Variants in PLXDC2 observed in about 807,000 individuals in gnomAD.
PLXDC2 encodes plexin domain-containing protein 2.
PLXDC2 carries 40 observed loss-of-function variants against 68.9 expected under a neutral mutation model. That is an observed-to-expected ratio of 0.58 (90% CI 0.45 to 0.76). PLXDC2 has a LOEUF of 0.76. PLXDC2 is among the 30% of genes least tolerant of loss of function. The pLI is 0.00. For synonymous variants in PLXDC2, 243 were observed against 234.2 expected, an observed-to-expected ratio of 1.04 and a Z score of -0.34; for missense variants, 644 against 661.9, an observed-to-expected ratio of 0.97 and a Z score of 0.30.
At chr10:20,127,879 C>T (rs530170876) in intron 4 of PLXDC2, among the ~76,000 whole-genome samples, 1 of 152,188 alleles carries the variant, frequency 6.6e-6, no homozygotes, top group African/African-American at 2.4e-5. Flanking sequence ...AGGTTGGGGG[C>T]ATTATGGTTG....
intron 9 of PLXDC2, among the ~76,000 whole-genome samples, chr10:20,210,548 A>G (rs1240182717): frequency 3.9e-5 from 6 of 152,182 alleles, no homozygotes; most frequent in African/African-American, 1.4e-4. Flanking sequence ...AGTCTAATTA[A>G]CACAATGCTT....
At chr10:19,836,762 G>A (rs1368626354) in intron 1 of PLXDC2, among the ~76,000 whole-genome samples, 2 of 152,164 alleles carry the variant, frequency 1.3e-5, no homozygotes, top group Non-Finnish European at 2.9e-5. Flanking sequence ...TGAAAGAAAG[G>A]CAATCCTGAC....
intron 1 of PLXDC2, among the ~76,000 whole-genome samples, chr10:19,900,981 ATGTGTGTGTGTGTGTG>A (rs71388879): frequency 6.9e-6 from 1 of 144,480 alleles, no homozygotes; most frequent in African/African-American, 2.5e-5. Context: ...TATATGTGTG[ATGTGTGTGTGTGTGTG>A]TGTGTGTGTG....
intron 1 of PLXDC2, among the ~76,000 whole-genome samples, chr10:19,902,778 C>T (rs868167441): frequency 1.5e-4 from 23 of 152,304 alleles, no homozygotes; most frequent in Middle Eastern, 3.4e-3. Context: ...AGAATGCTTT[C>T]AACTTTTCCC....
At chr10:19,837,802 A>G (rs981046897) in intron 1 of PLXDC2, among the ~76,000 whole-genome samples, 4 of 152,146 alleles carry the variant, frequency 2.6e-5, no homozygotes, top group African/African-American at 9.7e-5. Context: ...GCTTTGTCAC[A>G]TGCTTCCACA....
chr10:20,170,094 A>T (rs1834427105), intron 7 of PLXDC2, among the ~76,000 whole-genome samples: 2 of 152,348 alleles, frequency 1.3e-5, no homozygotes, highest in East Asian at 1.9e-4. Flanking sequence ...AATATATTTT[A>T]AAAATACTAC....
intron 9 of PLXDC2, among the ~76,000 whole-genome samples, chr10:20,200,671 C>T (rs955703605): frequency 6.6e-6 from 1 of 151,906 alleles, no homozygotes; most frequent in African/African-American, 2.4e-5. Context: ...CTCAAACATC[C>T]GAACAGCAAA....
chr10:20,025,479 C>T (rs1484290350), intron 2 of PLXDC2, among the ~76,000 whole-genome samples: 1 of 152,148 alleles, frequency 6.6e-6, no homozygotes, highest in East Asian at 1.9e-4. Flanking sequence ...TCAGGCTGGT[C>T]TTGAACTCCC....
chr10:19,826,250 A>G (rs1320000566), intron 1 of PLXDC2, among the ~76,000 whole-genome samples: 2 of 152,176 alleles, frequency 1.3e-5, no homozygotes, highest in Non-Finnish European at 2.9e-5. Flanking sequence ...TAATTCTTTC[A>G]AGAATTATTG....
At chr10:20,178,620 A>G (rs920659569) in intron 9 of PLXDC2, among the ~76,000 whole-genome samples, 4 of 152,164 alleles carry the variant, frequency 2.6e-5, no homozygotes, top group Admixed American at 2.6e-4. Context: ...TCTTCTTGCT[A>G]TAGCATTTGC....
rs1229705333 is a variant in PLXDC2 at position 20,155,757 on chromosome 10, A to C, written c.783+7855A>C. Among the ~76,000 whole-genome samples, 7 of 152,186 alleles carry C rather than the reference A, an allele frequency of 4.6e-5. No homozygotes were observed. In the South Asian group the frequency reaches 1.2e-3, roughly 27 times the overall value. On this transcript the variant is annotated intron_variant, in intron 6 of 13. Coordinates refer to ENST00000377252, the MANE Select transcript of PLXDC2 (RefSeq NM_032812.9). ...TGTTTACTTTTCCTAGTGTAAGAAAATAAGTTGAATTATTCTCCCTTGATC... is the reference window on the plus strand; with the variant it reads ...TGTTTACTTTTCCTAGTGTAAGAAACTAAGTTGAATTATTCTCCCTTGATC...
At chr10:19,826,236 T>A (rs1265380622) in intron 1 of PLXDC2, among the ~76,000 whole-genome samples, 2 of 152,228 alleles carry the variant, frequency 1.3e-5, no homozygotes, top group Non-Finnish European at 2.9e-5. Context: ...GTACTGCCTG[T>A]CCATAATTCT....
chr10:20,126,850 A>C (rs61843478), intron 4 of PLXDC2, among the ~76,000 whole-genome samples: 20,710 of 124,688 alleles, frequency 0.17, 3,636 homozygotes, highest in African/African-American at 0.37. Flanking sequence ...TGATATATAC[A>C]TATATGTTAT....
intron 4 of PLXDC2, among the ~76,000 whole-genome samples, chr10:20,082,043 C>T (rs55715991): frequency 2.6e-5 from 1 of 39,158 alleles, no homozygotes; most frequent in South Asian, 1.1e-3. Context: ...GAAACTCCAT[C>T]TGAAAAAAAA....
chr10:20,034,329 G>T (rs989880153), intron 2 of PLXDC2, among the ~76,000 whole-genome samples: 2 of 152,036 alleles, frequency 1.3e-5, no homozygotes, highest in African/African-American at 4.8e-5. Context: ...CATAAAATTA[G>T]GTTGATTAAA....
chr10:20,229,253 T>C (rs1835327671), intron 12 of PLXDC2, among the ~76,000 whole-genome samples: 1 of 152,016 alleles, frequency 6.6e-6, no homozygotes, highest in Non-Finnish European at 1.5e-5. Flanking sequence ...TTTCTCCATA[T>C]AGTAAGACAC....
Position 20,258,291 on chromosome 10 carries a change from G to A in PLXDC2, c.1473+12786G>A, listed in dbSNP as rs185644163. ...GCTGGAATTACAGGCGTGAGCCACC[G>A]TGCCTGCCCAGTTTTCTTTCTATTT... On this transcript the variant is annotated intron_variant, in intron 13 of 13. Coordinates refer to ENST00000377252, the MANE Select transcript of PLXDC2 (RefSeq NM_032812.9). Among the ~76,000 whole-genome samples, 7 of 152,032 alleles carry A rather than the reference G, an allele frequency of 4.6e-5. No homozygotes were observed. The South Asian group carries it at 8.3e-4, about 18-fold the overall frequency.
At chr10:19,977,288 A>G (rs1031741504) in intron 1 of PLXDC2, among the ~76,000 whole-genome samples, 2 of 152,216 alleles carry the variant, frequency 1.3e-5, no homozygotes, top group Admixed American at 1.3e-4. Context: ...CAGTATCCAC[A>G]TCACCCAGAA....
At chr10:20,263,147 T>TA (rs1564370690) in intron 13 of PLXDC2, among the ~76,000 whole-genome samples, 1 of 152,160 alleles carries the variant, frequency 6.6e-6, no homozygotes, top group Non-Finnish European at 1.5e-5. Context: ...ATGGTACTGA[T>TA]ACAAAAATAG....
Sources: allele counts gnomAD v4.1 joint callset (sites outside exome capture counted in the v4.1 genomes callset), GRCh38; gene constraint gnomAD v4.1.1; transcripts MANE v1.5; gene names NCBI Gene and HGNC (gene_info 2026-07-23, HGNC 2026-07-21).